Variants in FUT1 observed in about 807,000 individuals in gnomAD.
The protein encoded by FUT1 is galactoside alpha-(1,2)-fucosyltransferase 1.
For missense variants in FUT1, 476 were observed against 492.7 expected (o/e 0.97, Z 0.32); for synonymous variants, 215 against 208.7 (o/e 1.03, Z -0.26).
Position 48,750,343 on chromosome 19 carries a change from C to A in FUT1, c.939G>T (p.Trp313Cys). The A allele has an allele frequency of 6.2e-7, 1 of 1,614,160 alleles. No homozygotes were observed. Among genetic ancestry groups the A allele is most frequent in the Non-Finnish European group, 8.5e-7 (1 of 1,180,032 alleles). ...TGTCTCCGCCAGCCAGGTAGGCAGC[C>A]CAGAAGCCGAAGGTGCCAATGGTCA... ...TIMTIGTFGF[W>C]AAYLAGGDTV... The change falls in exon 2 of 2, where the codon TGG (tryptophan) becomes TGT (cysteine). Residue 313 changes from tryptophan to cysteine, a missense_variant. Coordinates refer to ENST00000645652, the MANE Select transcript of FUT1 (RefSeq NM_001384359.1).
chr19:48,752,264 CCA>C lies in FUT1; in HGVS notation c.-3+224_-3+225del, dbSNP rs2034016674. ...ACCTGTCTGTGAGGCGCAAAATCCA[CCA>C]CAGAGGTGGTGATGGGAAACGATAG... On this transcript the variant is annotated intron_variant, in intron 1 of 1. Transcript: ENST00000645652. The surrounding 1 kb of genome is among the most constrained non-coding windows in gnomAD (Gnocchi z 4.3). Among the ~76,000 whole-genome samples the C allele has an allele frequency of 6.6e-6, 1 of 152,120 alleles. No homozygotes were observed. The highest frequency in any genetic ancestry group is 1.5e-5 in the Non-Finnish European group (1 of 68,020).
At chr19:48,753,882 CTT>C (rs1029197917), upstream of FUT1, among the ~76,000 whole-genome samples, 7 of 152,158 alleles carry the variant, frequency 4.6e-5, no homozygotes, top group African/African-American at 1.7e-4. Context: ...AGATCAAAGA[CTT>C]TAAGACTTTC....
At position 48,752,480 on chromosome 19, in the gene FUT1, C is replaced by A; in HGVS notation, c.-3+10G>T. 1 of 985,374 alleles carries A rather than the reference C, an allele frequency of 1.0e-6. No homozygotes were observed. The highest frequency in any genetic ancestry group is 1.2e-6 in the Non-Finnish European group (1 of 829,868). 61.0% of individuals were successfully genotyped at this position (985,374 alleles called of 1,614,324 possible). A position where few individuals can be genotyped will look rare whatever the true frequency, so the allele number is the denominator to read the frequency against. On this transcript the variant is annotated intron_variant, in intron 1 of 1. Transcript: ENST00000645652. This position sits in a 1 kb window ranked among gnomAD's most constrained non-coding sequence, Gnocchi z 4.3. ...CCCAGGAACAACTGAGTGGGGCAGTCCCCACTTACCCGAGCTGCTTGCAGG... is the reference window on the plus strand; with the variant it reads ...CCCAGGAACAACTGAGTGGGGCAGTACCCACTTACCCGAGCTGCTTGCAGG...
chr19:48,752,777 GC>G (rs1309597357), upstream of FUT1: 6 of 985,180 alleles, frequency 6.1e-6, no homozygotes, highest in African/African-American at 8.7e-5. The surrounding 1 kb of genome is among the most constrained non-coding windows in gnomAD (Gnocchi z 4.3). Context: ...AGCGCCAGGG[GC>G]TAAGGCGATG....
At chr19:48,755,146 C>T, upstream of FUT1, 1 of 102,418 alleles carries the variant, frequency 9.8e-6, no homozygotes, top group South Asian at 2.9e-4. Context: ...AGCCCAAGTT[C>T]CCCAGCCCCT....
At chr19:48,751,907 T>G (rs952131997) in intron 1 of FUT1, among the ~76,000 whole-genome samples, 2 of 150,622 alleles carry the variant, frequency 1.3e-5, no homozygotes, top group African/African-American at 2.4e-5. Flanking sequence ...GCTGAGATCA[T>G]GCCATTACAC....
intron 1 of FUT1, 26 bp from the exon 2 acceptor site, chr19:48,751,309 C>T: frequency 2.5e-6 from 4 of 1,612,142 alleles, no homozygotes; most frequent in East Asian, 2.2e-5. Context: ...GGCGAATTAG[C>T]AAATGCTCTG....
At position 48,749,889 on chromosome 19, in the gene FUT1, TG is replaced by T; in HGVS notation, c.*294del. ...GACCAGAGGGAGAGTTCCCCATTCC[TG>T]GGGGCAGCCATCTGGAAGTACTGTA... is the stretch of plus-strand genomic sequence containing the variant. On this transcript the variant is annotated 3_prime_UTR_variant, in exon 2 of 2. Transcript: ENST00000645652. The T allele has an allele frequency of 2.2e-6, 1 of 456,606 alleles. No individual in the cohort carries two copies. Among genetic ancestry groups the T allele is most frequent in the Non-Finnish European group, 4.0e-6 (1 of 248,168 alleles). The allele number at this position is 456,606 out of a possible 1,614,324, so 28.3% of individuals were successfully genotyped here. A position where few individuals can be genotyped will look rare whatever the true frequency, so the allele number is the denominator to read the frequency against.
At position 48,751,298 on chromosome 19, in the gene FUT1, A is replaced by G. The variant is rs2034000304; in HGVS notation, c.-2-15T>C. The G allele has an allele frequency of 6.2e-7, 1 of 1,613,486 alleles. No individual in the cohort carries two copies. The highest frequency in any genetic ancestry group is 1.7e-5 in the Admixed American group (1 of 59,918). On this transcript the variant is annotated splice_polypyrimidine_tract_variant and intron_variant, in intron 1 of 1. Transcript: ENST00000645652. ...GAGCCACATGGCTGCAGGGGAGGAA[A>G]GGCGAATTAGCAAATGCTCTGAGGC... is the stretch of plus-strand genomic sequence containing the variant.
rs2033972265 is a variant in FUT1 at position 48,750,228 on chromosome 19, T to C, written c.1054A>G (p.Ile352Val). 1.2e-6 allele frequency: 2 copies of C among 1,612,594 alleles called. No individual in the cohort carries two copies. Among genetic ancestry groups the C allele is most frequent in the Non-Finnish European group, 1.7e-6 (2 of 1,179,340 alleles). The change falls in exon 2 of 2, where the codon ATT becomes GTT. Residue 352 changes from isoleucine to valine, a missense_variant. Ile to Val is a conservative substitution (Grantham distance 29). Coordinates refer to ENST00000645652, the MANE Select transcript of FUT1 (RefSeq NM_001384359.1). Reference protein sequence around the residue: ...EAAFLPEWVGINADLSPLWTL... With the variant: ...EAAFLPEWVGVNADLSPLWTL... ...CAGAGTGGAGACAAGTCTGCATTAA[T>C]GCCCACCCACTCGGGCAGGAAGGCC...
In FUT1 at chr19:48,750,895, G is replaced by T; in HGVS notation, c.387C>A (p.Pro129=). The T allele has an allele frequency of 6.2e-7, 1 of 1,613,582 alleles. No homozygotes were observed. Among genetic ancestry groups the T allele is most frequent in the Non-Finnish European group, 8.5e-7 (1 of 1,179,852 alleles). Reference sequence around the variant, plus strand: ...GGCTGTCCACTTCTGGGGCCAGCACGGGCAGGGTGATGCGGAATACCGGGG... The same window carrying T: ...GGCTGTCCACTTCTGGGGCCAGCACTGGCAGGGTGATGCGGAATACCGGGG... The part of the protein sequence containing the change: ...ALAPVFRITL[P]VLAPEVDSRT... The change falls in exon 2 of 2, where the codon CCC becomes CCA. Residue 129 remains proline (P), a synonymous_variant. Transcript: ENST00000645652.
At position 48,750,591 on chromosome 19, in the gene FUT1, G is replaced by A. The variant is rs556345040; in HGVS notation, c.691C>T (p.Arg231Cys). Residue 231 changes from arginine (R) to cysteine (C), a missense_variant, in exon 2 of 2, where the codon CGC becomes TGC. Arg to Cys is a radical substitution (Grantham distance 180). Transcript: ENST00000645652. Reference sequence around the variant, plus strand: ...CTGTCGCCCACCACACCCTTCCAGCGCTGAGGCATAACCTGCAGATAGTCC... The same window carrying A: ...CTGTCGCCCACCACACCCTTCCAGCACTGAGGCATAACCTGCAGATAGTCC... Reference protein sequence around the residue: ...RGDYLQVMPQRWKGVVGDSAY... With the variant: ...RGDYLQVMPQCWKGVVGDSAY... The A allele has an allele frequency of 5.0e-6, 8 of 1,611,220 alleles. No homozygotes were observed. The Admixed American group carries it at 8.3e-5, about 17-fold the overall frequency.
Position 48,752,529 on chromosome 19 carries a change from C to G in FUT1, c.-42G>C. 1.0e-6 allele frequency: 1 copy of G among 985,478 alleles called. No individual in the cohort carries two copies. The highest frequency in any genetic ancestry group is 1.2e-6 in the Non-Finnish European group (1 of 829,938). The allele number at this position is 985,478 out of a possible 1,614,324, so 61.0% of individuals were successfully genotyped here. On this transcript the variant is annotated 5_prime_UTR_variant, in exon 1 of 2. Coordinates refer to ENST00000645652, the MANE Select transcript of FUT1 (RefSeq NM_001384359.1). This position sits in a 1 kb window ranked among gnomAD's most constrained non-coding sequence, Gnocchi z 4.3. ...GGTGGCAGATCCACAGTCCGCTTTT[C>G]GTGGCCGGAGCGCACCCTCCGCAAA... is the stretch of plus-strand genomic sequence containing the variant.
Position 48,750,423 on chromosome 19 carries a change from C to T in FUT1, c.859G>A (p.Glu287Lys). 2 of 1,614,246 alleles carry T rather than the reference C, an allele frequency of 1.2e-6. No individual in the cohort carries two copies. The change falls in exon 2 of 2, where the codon GAG becomes AAG. Residue 287 changes from glutamate (E) to lysine (K), a missense_variant. Transcript: ENST00000645652. The stretch of plus-strand genomic sequence containing the variant: ...GCAAAGTCTTTCCACGGTGTAGCCT[C>T]CTGTCCATCGCCAGCAAACGTCACA... ...GDVTFAGDGQ[E>K]ATPWKDFALL...
Position 48,750,497 on chromosome 19 carries a change from C to A in FUT1, c.785G>T (p.Ser262Ile). 1 of 1,614,124 alleles carries A rather than the reference C, an allele frequency of 6.2e-7. No individual in the cohort carries two copies. Among genetic ancestry groups the A allele is most frequent in the African/African-American group, 1.3e-5 (1 of 75,078 alleles). Residue 262 changes from serine (S) to isoleucine (I), a missense_variant, in exon 2 of 2, where the codon AGC becomes ATC. Coordinates refer to ENST00000645652, the MANE Select transcript of FUT1 (RefSeq NM_001384359.1). ...RHEAPVFVVTSNGMEWCKENI... is the reference protein window; with the variant it reads ...RHEAPVFVVTINGMEWCKENI... ...TTCTTTACACCACTCCATGCCGTTG[C>A]TGGTGACCACGAAAACGGGGGCTTC... is the stretch of plus-strand genomic sequence containing the variant.
Position 48,750,799 on chromosome 19 carries a change from G to T in FUT1, c.483C>A (p.Phe161Leu). The T allele has an allele frequency of 1.1e-5, 17 of 1,613,992 alleles. No individual in the cohort carries two copies. The highest frequency in any genetic ancestry group is 1.4e-5 in the Non-Finnish European group (17 of 1,179,994). ...SEEYADLRDP[F>L]LKLSGFPCSW... ...AGCAGGGGAAGCCAGAGAGCTTCAG[G>T]AAAGGATCTCTCAAGTCCGCGTACT... Residue 161 changes from phenylalanine to leucine, a missense_variant, in exon 2 of 2, where the codon TTC becomes TTA. Physicochemically the swap from Phe to Leu is conservative, Grantham distance 22 (BLOSUM62 0). Coordinates refer to ENST00000645652, the MANE Select transcript of FUT1 (RefSeq NM_001384359.1).
chr19:48,754,981 A>G (rs1487912678), upstream of FUT1, among the ~76,000 whole-genome samples: 1 of 150,156 alleles, frequency 6.7e-6, no homozygotes, highest in Non-Finnish European at 1.5e-5. Context: ...CCTTCCTCAG[A>G]CCCAGGAGTC....
At chr19:48,751,781 G>A (rs915923795) in intron 1 of FUT1, among the ~76,000 whole-genome samples, 15 of 152,266 alleles carry the variant, frequency 9.9e-5, no homozygotes, top group African/African-American at 3.1e-4. Context: ...GAGAAACCCT[G>A]TCTCTACTTA....
upstream of FUT1, among the ~76,000 whole-genome samples, chr19:48,754,482 A>T (rs838134): frequency 4.6e-5 from 7 of 151,998 alleles, no homozygotes; most frequent in East Asian, 1.2e-3. Flanking sequence ...AGCCCTCAAG[A>T]GGCCCTTATG....
Sources: allele counts gnomAD v4.1 joint callset (sites outside exome capture counted in the v4.1 genomes callset), GRCh38; gene constraint gnomAD v4.1.1; non-coding constraint Gnocchi (gnomAD v3.1); transcripts MANE v1.5; gene names NCBI Gene and HGNC (gene_info 2026-07-23, HGNC 2026-07-21).